Variants in COLEC12 observed in about 807,000 individuals in gnomAD.
The protein encoded by COLEC12 is collectin-12.
A neutral mutation model predicts 71.1 loss-of-function variants in COLEC12; 33 were observed. The ratio of observed to expected loss-of-function variants is 0.46; its 90% CI spans 0.35 to 0.62. The LOEUF is 0.62. Among genes scored for constraint, COLEC12 ranks in the 20% least tolerant of loss-of-function variants. The pLI, the probability that COLEC12 is intolerant of heterozygous loss-of-function variation, is 0.00. For synonymous variants in COLEC12, 350 were observed against 353.0 expected (o/e 0.99, Z 0.10); for missense variants, 765 against 916.1 (o/e 0.84, Z 2.13).
chr18:356,938 G>A (rs759581177), intron 3 of COLEC12, among the ~76,000 whole-genome samples: 3 of 152,188 alleles, frequency 2.0e-5, no homozygotes, highest in Non-Finnish European at 4.4e-5. Context: ...CACAGTGAAT[G>A]TGCTGCAGAG....
chr18:446,053 A>G (rs1052751425), intron 2 of COLEC12, among the ~76,000 whole-genome samples: 19 of 152,180 alleles, frequency 1.2e-4, no homozygotes, highest in Admixed American at 1.3e-4. Context: ...AGGTTCACCC[A>G]TGTTGCAGCA....
At chr18:477,163 C>T (rs1458311523) in intron 2 of COLEC12, among the ~76,000 whole-genome samples, 3 of 152,180 alleles carry the variant, frequency 2.0e-5, no homozygotes, top group African/African-American at 7.2e-5. Flanking sequence ...AAATACAATA[C>T]CATGCTAGAT....
chr18:426,075 T>C (rs1168777082), intron 2 of COLEC12, among the ~76,000 whole-genome samples: 1 of 152,196 alleles, frequency 6.6e-6, no homozygotes, highest in Non-Finnish European at 1.5e-5. Context: ...CAAGATCACA[T>C]GGAAAGTATC....
At chr18:371,038 T>C (rs1914987483) in intron 2 of COLEC12, among the ~76,000 whole-genome samples, 1 of 152,220 alleles carries the variant, frequency 6.6e-6, no homozygotes, top group Non-Finnish European at 1.5e-5. Context: ...TACTATGCAA[T>C]GTTCCTTCCT....
chr18:485,707 T>G lies in COLEC12; in HGVS notation c.8-4950A>C, dbSNP rs536453367. On this transcript the variant is annotated intron_variant, in intron 1 of 9. Coordinates refer to ENST00000400256, the MANE Select transcript of COLEC12 (RefSeq NM_130386.3). ...CCTTGCTATTTCAGAGAACCATGAG[T>G]TCAAGTGAAGTTTGGTTCTGTTGGC... is the stretch of plus-strand genomic sequence containing the variant. Among the ~76,000 whole-genome samples, 9 of 152,352 alleles carry G rather than the reference T, an allele frequency of 5.9e-5. No homozygotes were observed. In the South Asian group the frequency reaches 1.9e-3, roughly 32 times the overall value.
rs114028124 is a variant in COLEC12 at position 460,484 on chromosome 18, G to A, written c.58+20223C>T. Among the ~76,000 whole-genome samples, 301 of 152,244 alleles carry A rather than the reference G, an allele frequency of 2.0e-3. 2 individuals are homozygous for A. Among genetic ancestry groups the A allele is most frequent in the African/African-American group, 6.9e-3 (285 of 41,530 alleles). On this transcript the variant is annotated intron_variant, in intron 2 of 9. Transcript: ENST00000400256. ...ACCTGAGTATGCTGCCAAAATACAG[G>A]TCTGTTCTCTGTTTTGAATCATGAT...
chr18:454,631 G>C (rs1045644685), intron 2 of COLEC12, among the ~76,000 whole-genome samples: 2 of 152,188 alleles, frequency 1.3e-5, no homozygotes, highest in Non-Finnish European at 2.9e-5. Context: ...GCAGTGAGCC[G>C]AGATCACGTC....
chr18:409,834 T>C (rs899409048), intron 2 of COLEC12, among the ~76,000 whole-genome samples: 1 of 152,178 alleles, frequency 6.6e-6, no homozygotes, highest in Non-Finnish European at 1.5e-5. Context: ...AAAACTGACA[T>C]GGAGTTGCAT....
intron 2 of COLEC12, among the ~76,000 whole-genome samples, chr18:402,259 A>G (rs942202174): frequency 1.1e-4 from 16 of 152,226 alleles, no homozygotes; most frequent in African/African-American, 3.9e-4. Flanking sequence ...TGGTTCCTCT[A>G]TTGGCCTACA....
chr18:354,426 G>A (rs1914585748), intron 3 of COLEC12, among the ~76,000 whole-genome samples: 1 of 152,236 alleles, frequency 6.6e-6, no homozygotes, highest in African/African-American at 2.4e-5. Flanking sequence ...ACAGTATGAA[G>A]TTGCCTTTGC....
Position 346,469 on chromosome 18 carries a change from A to C in COLEC12, c.1153T>G (p.Leu385Val), listed in dbSNP as rs1914372687. The change falls in exon 5 of 10, where the codon TTG becomes GTG. Residue 385 changes from leucine to valine, a missense_variant. By Grantham distance (32) the Leu-to-Val change is conservative. Transcript: ENST00000400256. The surrounding 1 kb of genome is among the most constrained non-coding windows in gnomAD (Gnocchi z 4.0). ...CGGATGTTGGCCAGGGTATTATTCA[A>C]GGAGGTCAGATCATCTGTGTGTTTG... ...LTKHTDDLTS[L>V]NNTLANIRLD... 1 of 1,614,118 alleles carries C rather than the reference A, an allele frequency of 6.2e-7. No homozygotes were observed. The highest frequency in any genetic ancestry group is 8.5e-7 in the Non-Finnish European group (1 of 1,180,044).
chr18:385,481 C>A (rs1278980061), intron 2 of COLEC12, among the ~76,000 whole-genome samples: 1 of 152,086 alleles, frequency 6.6e-6, no homozygotes, highest in South Asian at 2.1e-4. Flanking sequence ...CACACCACCA[C>A]ACCAAGCTAA....
At chr18:344,730 C>T (rs1914333976) in intron 5 of COLEC12, among the ~76,000 whole-genome samples, 1 of 152,240 alleles carries the variant, frequency 6.6e-6, no homozygotes, top group Non-Finnish European at 1.5e-5. Context: ...TTCCCATCAA[C>T]ATTTATCTGT....
chr18:413,405 T>TA (rs1373198366), intron 2 of COLEC12, among the ~76,000 whole-genome samples: 1 of 152,188 alleles, frequency 6.6e-6, no homozygotes, highest in Non-Finnish European at 1.5e-5. Context: ...GGTGAGAATG[T>TA]AAAATGGTAC....
In COLEC12 at chr18:480,733, A is replaced by ACCT. The variant is rs763250284; in HGVS notation, c.29_31dup (p.Glu10dup). 14 of 1,613,738 alleles carry ACCT rather than the reference A, an allele frequency of 8.7e-6. No homozygotes were observed. In the South Asian group the frequency reaches 1.1e-4, roughly 13 times the overall value. ...AAACCGCTTGTAACCGAAGGATTGCACCTCCTCCTCCTCTGCGAAGTCGTC... is the reference window on the plus strand; with the variant it reads ...AAACCGCTTGTAACCGAAGGATTGCACCTCCTCCTCCTCCTCTGCGAAGTCGTC... On this transcript the variant is annotated inframe_insertion, in exon 2 of 10. Coordinates refer to ENST00000400256, the MANE Select transcript of COLEC12 (RefSeq NM_130386.3). This position sits in a 1 kb window ranked among gnomAD's most constrained non-coding sequence, Gnocchi z 4.1.
rs1040006827 is a variant in COLEC12 at position 336,491 on chromosome 18, G to A, written c.1328-1261C>T. Among the ~76,000 whole-genome samples the A allele has an allele frequency of 4.6e-5, 7 of 152,200 alleles. No individual in the cohort carries two copies. In the East Asian group the frequency reaches 1.4e-3, roughly 29 times the overall value. On this transcript the variant is annotated intron_variant, in intron 5 of 9. Coordinates refer to ENST00000400256, the MANE Select transcript of COLEC12 (RefSeq NM_130386.3). ...TGTTTTTCTTTCTTTAATTTCTCAGGGGTAACAGGAAATTTCACACAAATA... is the reference window on the plus strand; with the variant it reads ...TGTTTTTCTTTCTTTAATTTCTCAGAGGTAACAGGAAATTTCACACAAATA...
At chr18:488,022 T>G (rs1203621845) in intron 1 of COLEC12, among the ~76,000 whole-genome samples, 1 of 151,858 alleles carries the variant, frequency 6.6e-6, no homozygotes, top group African/African-American at 2.4e-5. Context: ...GCAGGAAAAT[T>G]AATACCTCAG....
At chr18:367,683 G>A (rs561141475) in intron 2 of COLEC12, among the ~76,000 whole-genome samples, 1 of 152,304 alleles carries the variant, frequency 6.6e-6, no homozygotes, top group South Asian at 2.1e-4. Context: ...AAACAAGGAG[G>A]GAACTGGGAG....
rs979820073 is a variant in COLEC12 at position 373,492 on chromosome 18, G to C, written c.59-15970C>G. ...TTTGTACTAATTCCTCAGTGAGGAG[G>C]AACTGGAACCTGATATCAAAATCCA... On this transcript the variant is annotated intron_variant, in intron 2 of 9. Transcript: ENST00000400256. Among the ~76,000 whole-genome samples the C allele has an allele frequency of 6.6e-5, 10 of 152,324 alleles. 1 individual carries two copies. The highest frequency in any genetic ancestry group is 5.2e-4 in the Admixed American group (8 of 15,298).
Sources: gnomAD v4.1 joint callset for allele counts (sites outside exome capture counted in the v4.1 genomes callset) on GRCh38, gnomAD v4.1.1 for gene constraint, Gnocchi (gnomAD v3.1) non-coding constraint, MANE v1.5 for transcripts, NCBI Gene and HGNC (gene_info 2026-07-23, HGNC 2026-07-21) for gene names.